Variants in PBX1 observed in about 807,000 individuals in gnomAD.
PBX1 encodes PBX homeobox 1.
A neutral mutation model predicts 53.4 loss-of-function variants in PBX1; 6 were observed. The observed-to-expected ratio is 0.11, with a 90% CI of 0.06 to 0.22. The LOEUF is 0.22. PBX1 is among the 10% of genes least tolerant of loss of function. The pLI is 1.00. For synonymous variants in PBX1, 204 were observed against 212.3 expected (o/e 0.96, Z 0.34); for missense variants, 251 against 551.4 (o/e 0.46, Z 5.46).
At chr1:164,740,013 C>G (rs1480165462) in intron 2 of PBX1, among the ~76,000 whole-genome samples, 3 of 152,060 alleles carry the variant, frequency 2.0e-5, no homozygotes, top group Non-Finnish European at 4.4e-5. Context: ...AGCAACTAGC[C>G]TCAGAGACTT....
chr1:164,797,546 G>T (rs991591027), intron 3 of PBX1, among the ~76,000 whole-genome samples: 2 of 152,174 alleles, frequency 1.3e-5, no homozygotes, highest in African/African-American at 2.4e-5. Context: ...TCCATGGAGA[G>T]TGGAGAGTAA....
intron 2 of PBX1, among the ~76,000 whole-genome samples, chr1:164,768,155 A>G (rs1220644532): frequency 6.6e-6 from 1 of 152,184 alleles, no homozygotes; most frequent in Admixed American, 6.5e-5. Context: ...TTGATTTCAC[A>G]CCAGCCATGT....
In PBX1 at chr1:164,879,000, G is replaced by A. The variant is rs142814294; in HGVS notation, n.258-20188G>A. Among the ~76,000 whole-genome samples, 427 of 152,276 alleles carry A rather than the reference G, an allele frequency of 2.8e-3. 1 individual carries two copies. Among genetic ancestry groups the A allele is most frequent in the African/African-American group, 9.9e-3 (412 of 41,572 alleles). ...CTCAGGTTTTAGAGCAGACCCAAAA[G>A]GTAAGCCCACCACTGAGGCTGCACA... On this transcript the variant is annotated intron_variant and non_coding_transcript_variant, in intron 2 of 2. Transcript: ENST00000558796.
At chr1:164,714,657 A>G (rs1452855889) in intron 2 of PBX1, among the ~76,000 whole-genome samples, 1 of 152,214 alleles carries the variant, frequency 6.6e-6, no homozygotes, top group Non-Finnish European at 1.5e-5. Context: ...TCTCAATAAC[A>G]ATTCATATTA....
chr1:164,884,988 G>A (rs1407048175), intron 2 of PBX1, among the ~76,000 whole-genome samples: 7 of 152,154 alleles, frequency 4.6e-5, no homozygotes, highest in African/African-American at 1.7e-4. Context: ...TAGGGAGAAG[G>A]CAGTGAACAC....
chr1:164,807,453 G>A (rs1029353771), intron 4 of PBX1, 89 bp from the exon 5 acceptor site: 3 of 1,485,740 alleles, frequency 2.0e-6, no homozygotes, highest in Non-Finnish European at 2.7e-6. Context: ...TCAAAAATTT[G>A]TCTTCTCCCA....
At chr1:164,753,474 G>A (rs115421401) in intron 2 of PBX1, among the ~76,000 whole-genome samples, 6,212 of 152,162 alleles carry the variant, frequency 0.041, 171 homozygotes, top group Non-Finnish European at 0.06. Flanking sequence ...TCAGGATTTC[G>A]TTATATCCCC....
At chr1:164,681,263 AAAAG>A in intron 2 of PBX1, among the ~76,000 whole-genome samples, 1 of 152,350 alleles carries the variant, frequency 6.6e-6, no homozygotes, top group East Asian at 1.9e-4. Flanking sequence ...AGAACTAGAT[AAAAG>A]AAAGCCGATT....
chr1:164,776,971 GAGAGAGA>G (rs1314997734), intron 2 of PBX1, among the ~76,000 whole-genome samples: 1,415 of 113,592 alleles, frequency 0.012, 70 homozygotes, highest in East Asian at 0.036. Context: ...GAGAGAGAGA[GAGAGAGA>G]GGAGGTGTGG....
chr1:164,724,112 C>T (rs1428445076), intron 2 of PBX1, among the ~76,000 whole-genome samples: 3 of 152,138 alleles, frequency 2.0e-5, no homozygotes, highest in Non-Finnish European at 4.4e-5. Flanking sequence ...CCTTCCCTGG[C>T]CCCAAAAGAA....
At position 164,695,027 on chromosome 1, in the gene PBX1, A is replaced by G. The variant is rs531780318; in HGVS notation, c.266-97467A>G. 2.6e-5 allele frequency among the ~76,000 whole-genome samples: 4 copies of G among 152,240 alleles called. No individual in the cohort carries two copies. In the East Asian group the frequency reaches 5.8e-4, roughly 22 times the overall value. ...TTCAAAATTCTTTGATGGAGGTCCC[A>G]TTGTCAAAAGCTGCAGTCCTGAATC... On this transcript the variant is annotated intron_variant, in intron 2 of 8. Coordinates refer to ENST00000420696, the MANE Select transcript of PBX1 (RefSeq NM_002585.4).
chr1:164,769,694 GA>G (rs1667262769), intron 2 of PBX1, among the ~76,000 whole-genome samples: 1 of 152,146 alleles, frequency 6.6e-6, no homozygotes, highest in Admixed American at 6.5e-5. Context: ...AATCATTTAT[GA>G]ATAACTTATA....
chr1:164,854,945 CTTTT>C (rs539213655), downstream of PBX1, among the ~76,000 whole-genome samples: 690 of 116,326 alleles, frequency 5.9e-3, 6 homozygotes, highest in Middle Eastern at 0.011. Flanking sequence ...CTCTCTCTCT[CTTTT>C]TTTTTTTTTT....
At chr1:164,656,035 T>C (rs1354079816) in intron 2 of PBX1, among the ~76,000 whole-genome samples, 1 of 152,178 alleles carries the variant, frequency 6.6e-6, no homozygotes, top group Non-Finnish European at 1.5e-5. Flanking sequence ...GAGAATGGAA[T>C]TAATATGGAA....
At chr1:164,846,492 G>T (rs774650623) in intron 8 of PBX1, 92 bp from the exon 9 acceptor site, 22 of 1,043,882 alleles carry the variant, frequency 2.1e-5, no homozygotes, top group Non-Finnish European at 3.3e-5. Context: ...CACTATGCTA[G>T]GTCCTTTACA....
At chr1:164,696,492 G>T (rs1444756255) in intron 2 of PBX1, among the ~76,000 whole-genome samples, 5 of 152,194 alleles carry the variant, frequency 3.3e-5, no homozygotes, top group African/African-American at 1.2e-4. Context: ...GCTTTGCCAG[G>T]ATTGTCGTAG....
At chr1:164,884,942 G>T (rs1448407396) in intron 2 of PBX1, among the ~76,000 whole-genome samples, 1 of 152,160 alleles carries the variant, frequency 6.6e-6, no homozygotes, top group Non-Finnish European at 1.5e-5. Flanking sequence ...AATTAAGAAA[G>T]CAAGAGTTGT....
chr1:164,761,739 G>A (rs1168398692), intron 2 of PBX1, among the ~76,000 whole-genome samples: 2 of 152,102 alleles, frequency 1.3e-5, no homozygotes, highest in Admixed American at 6.5e-5. Flanking sequence ...CACCGCGCCC[G>A]GCCCATTGGG....
chr1:164,846,893 C>A lies in PBX1; in HGVS notation c.*217C>A, dbSNP rs1398552957. ...CCCTTTTTTTTCTGGGTAGAAGCCA[C>A]CCTTCCCTGCCTCCAGCTGTCAGCC... On this transcript the variant is annotated 3_prime_UTR_variant, in exon 9 of 9. Coordinates refer to ENST00000420696, the MANE Select transcript of PBX1 (RefSeq NM_002585.4). 1 of 1,383,698 alleles carries A rather than the reference C, an allele frequency of 7.2e-7. No homozygotes were observed. The highest frequency in any genetic ancestry group is 2.5e-5 in the East Asian group (1 of 39,248). The allele number at this position is 1,383,698 out of a possible 1,614,324, so 85.7% of individuals were successfully genotyped here.
Sources: allele counts gnomAD v4.1 joint callset (sites outside exome capture counted in the v4.1 genomes callset), GRCh38; gene constraint gnomAD v4.1.1; transcripts MANE v1.5; gene names NCBI Gene and HGNC (gene_info 2026-07-23, HGNC 2026-07-21).